Variants in CMPK1 observed in about 807,000 individuals in gnomAD.
CMPK1 encodes UMP-CMP kinase.
A neutral mutation model predicts 25.7 loss-of-function variants in CMPK1; 10 were observed. That is an observed-to-expected ratio of 0.39 (90% confidence interval 0.24 to 0.66). The LOEUF is 0.66. Ranked by LOEUF, CMPK1 falls within the 30% of genes least tolerant of loss-of-function variation. The probability of loss-of-function intolerance (pLI) is 0.48; values close to 1 mark genes in which losing one functional copy is unlikely to be tolerated. For synonymous variants in CMPK1, 106 were observed against 101.5 expected, an observed-to-expected ratio of 1.04 and a Z score of -0.27; for missense variants, 199 against 280.5, an observed-to-expected ratio of 0.71 and a Z score of 2.08.
chr1:47,343,782 G>A (rs914583163), intron 1 of CMPK1, among the ~76,000 whole-genome samples: 4 of 151,900 alleles, frequency 2.6e-5, no homozygotes, highest in Admixed American at 1.3e-4. Flanking sequence ...AGCTACTCAG[G>A]AGGCTGAGGC....
chr1:47,357,463 A>G (rs1394364477), intron 1 of CMPK1, among the ~76,000 whole-genome samples: 2 of 148,082 alleles, frequency 1.4e-5, no homozygotes, highest in African/African-American at 2.5e-5. Flanking sequence ...TGATAACGTG[A>G]TAATGGCATT....
chr1:47,368,190 C>T (rs1646652652), intron 1 of CMPK1, among the ~76,000 whole-genome samples: 1 of 152,144 alleles, frequency 6.6e-6, no homozygotes. Flanking sequence ...ATGATCCACC[C>T]ACCTCAGCCT....
At chr1:47,334,138 G>A in intron 1 of CMPK1, 22 bp downstream of exon 1, 1 of 1,464,296 alleles carries the variant, frequency 6.8e-7, no homozygotes, top group South Asian at 1.3e-5. Flanking sequence ...GCAGCAGGCG[G>A]GCTCCTTGGG....
chr1:47,375,038 G>A (rs1035212556), intron 4 of CMPK1, 53 bp downstream of exon 4: 1 of 1,432,852 alleles, frequency 7.0e-7, no homozygotes, highest in African/African-American at 1.4e-5. Flanking sequence ...TGCCTTATTT[G>A]GTACAGGAAT....
intron 1 of CMPK1, among the ~76,000 whole-genome samples, chr1:47,363,445 T>C (rs1646617192): frequency 1.3e-5 from 2 of 151,810 alleles, no homozygotes; most frequent in South Asian, 4.2e-4. Flanking sequence ...CTGACCAACA[T>C]GGTGAAACTG....
At position 47,377,000 on chromosome 1, in the gene CMPK1, CA is replaced by C. The variant is rs1646712569; in HGVS notation, c.*260del. ...GGTATCAGCTATTTTTTTTAAAATT[CA>C]AAAAGAATATCCCTTTTATAGTTTG... On this transcript the variant is annotated 3_prime_UTR_variant, in exon 6 of 6. Coordinates refer to ENST00000371873, the MANE Select transcript of CMPK1 (RefSeq NM_016308.3). 1 of 302,666 alleles carries C rather than the reference CA, an allele frequency of 3.3e-6. No homozygotes were observed. Among genetic ancestry groups the C allele is most frequent in the African/African-American group, 2.2e-5 (1 of 46,360 alleles). The allele number at this position is 302,666 out of a possible 1,614,324, so 18.7% of individuals were successfully genotyped here.
chr1:47,345,694 T>G (rs1040319438), intron 1 of CMPK1, among the ~76,000 whole-genome samples: 1 of 151,482 alleles, frequency 6.6e-6, no homozygotes, highest in African/African-American at 2.4e-5. Flanking sequence ...CCTGACCTCG[T>G]GATCCCCCCA....
chr1:47,374,777 A>G, intron 3 of CMPK1, 132 bp from the exon 4 acceptor site: 1 of 591,018 alleles, frequency 1.7e-6, no homozygotes, highest in Non-Finnish European at 2.9e-6. Context: ...TTGCATGTTG[A>G]TTAATGAATT....
At position 47,333,944 on chromosome 1, in the gene CMPK1, G is replaced by A; in HGVS notation, c.-2G>A. ...CCTCAGCGTCCGGCCGAGGCGCGGT[G>A]TATGCTGAGCCGCTGCCGCAGCGGG... On this transcript the variant is annotated 5_prime_UTR_variant, in exon 1 of 6. Coordinates refer to ENST00000371873, the MANE Select transcript of CMPK1 (RefSeq NM_016308.3). The A allele has an allele frequency of 5.6e-6, 8 of 1,427,176 alleles. No homozygotes were observed. Among genetic ancestry groups the A allele is most frequent in the Non-Finnish European group, 6.5e-6 (7 of 1,077,968 alleles). 88.4% of individuals were successfully genotyped at this position (1,427,176 alleles called of 1,614,324 possible).
At chr1:47,345,282 C>G (rs1467742068) in intron 1 of CMPK1, among the ~76,000 whole-genome samples, 1 of 151,938 alleles carries the variant, frequency 6.6e-6, no homozygotes, top group Non-Finnish European at 1.5e-5. Flanking sequence ...TAAAGACTCT[C>G]AAACGTTCTC....
At chr1:47,358,522 G>T in intron 1 of CMPK1, 1 of 1,011,700 alleles carries the variant, frequency 9.9e-7, no homozygotes, top group South Asian at 3.5e-5. Flanking sequence ...GTCATTTTTG[G>T]TAGCATACAT....
chr1:47,369,691 A>G (rs896228479), intron 2 of CMPK1, among the ~76,000 whole-genome samples: 3 of 150,378 alleles, frequency 2.0e-5, no homozygotes, highest in Admixed American at 6.7e-5. Flanking sequence ...CCTCCCGAGT[A>G]GCTGGGACTA....
chr1:47,358,382 A>AGAGT, intron 1 of CMPK1: 1 of 1,264,330 alleles, frequency 7.9e-7, no homozygotes, highest in Non-Finnish European at 1.0e-6. Flanking sequence ...CAAAGTGCTG[A>AGAGT]GATTACAGGC....
chr1:47,342,784 G>A (rs916140949), intron 1 of CMPK1, among the ~76,000 whole-genome samples: 5 of 150,396 alleles, frequency 3.3e-5, no homozygotes, highest in African/African-American at 4.9e-5. Context: ...CAAGTAGCTG[G>A]GATTACAGGC....
intron 1 of CMPK1, among the ~76,000 whole-genome samples, chr1:47,361,791 A>G (rs1350543674): frequency 6.8e-6 from 1 of 147,022 alleles, no homozygotes. Flanking sequence ...ATTGAGGAAA[A>G]TGTTGTAATT....
intron 1 of CMPK1, among the ~76,000 whole-genome samples, chr1:47,359,486 C>T (rs1431662588): frequency 1.4e-5 from 2 of 141,866 alleles, no homozygotes; most frequent in Non-Finnish European, 1.5e-5. Flanking sequence ...CTCCTGGGTT[C>T]AAGTGATTCT....
chr1:47,359,140 G>A (rs1054837321), intron 1 of CMPK1, among the ~76,000 whole-genome samples: 11 of 151,890 alleles, frequency 7.2e-5, no homozygotes, highest in South Asian at 2.1e-4. Flanking sequence ...AACATGGTGA[G>A]ACCCTGCCTG....
intron 1 of CMPK1, among the ~76,000 whole-genome samples, chr1:47,338,038 A>G (rs1409130519): frequency 3.9e-5 from 6 of 152,096 alleles, no homozygotes; most frequent in Non-Finnish European, 7.4e-5. Flanking sequence ...TAAGTTTTGG[A>G]GGTTTTTTTC....
intron 1 of CMPK1, among the ~76,000 whole-genome samples, chr1:47,354,748 A>T (rs899131730): frequency 6.6e-6 from 1 of 152,106 alleles, no homozygotes; most frequent in Non-Finnish European, 1.5e-5. Context: ...GTGGACATAG[A>T]CATTTGTTTA....
Sources: allele counts gnomAD v4.1 joint callset (sites outside exome capture counted in the v4.1 genomes callset), GRCh38; gene constraint gnomAD v4.1.1; transcripts MANE v1.5; gene names NCBI Gene and HGNC (gene_info 2026-07-23, HGNC 2026-07-21).